The following KCND3 variants were observed in gnomAD, a reference collection of about 807,000 sequenced individuals.
The protein encoded by KCND3 is A-type voltage-gated potassium channel KCND3.
In KCND3, 9 loss-of-function variants were observed where a neutral mutation model predicts 51.1. The ratio of observed to expected loss-of-function variants is 0.18; its 90% CI spans 0.11 to 0.31. The LOEUF is 0.31. Among genes scored for constraint, KCND3 ranks in the 10% least tolerant of loss-of-function variants. The pLI, the probability that KCND3 is intolerant of heterozygous loss-of-function variation, is 1.00. For missense variants in KCND3, 526 were observed against 903.8 expected, an observed-to-expected ratio of 0.58 and a Z score of 5.36; for synonymous variants, 349 against 368.0, an observed-to-expected ratio of 0.95 and a Z score of 0.59.
At chr1:111,917,630 T>C (rs1432098215) in intron 2 of KCND3, among the ~76,000 whole-genome samples, 2 of 152,192 alleles carry the variant, frequency 1.3e-5, no homozygotes, top group African/African-American at 4.8e-5. Flanking sequence ...CTTACATTGG[T>C]ACTTCTCCAT....
chr1:111,944,772 T>A (rs1039203539), intron 2 of KCND3, among the ~76,000 whole-genome samples: 1 of 152,206 alleles, frequency 6.6e-6, no homozygotes. Context: ...ATATATTCCC[T>A]GGGGGTGATT....
At chr1:111,949,987 T>C (rs1672975350) in intron 2 of KCND3, among the ~76,000 whole-genome samples, 2 of 152,212 alleles carry the variant, frequency 1.3e-5, no homozygotes, top group Admixed American at 1.3e-4. Flanking sequence ...CTCAGCTCAC[T>C]GCAACCTCCA....
chr1:111,778,211 C>T lies in KCND3; in HGVS notation c.1518+225G>A, dbSNP rs187892143. The stretch of plus-strand genomic sequence containing the variant: ...GTGCCATGTTCCACCACCCCTTCCA[C>T]GCCCCTGGGGAGTTCCAAAGAGGGA... On this transcript the variant is annotated intron_variant, in intron 6 of 7. Coordinates refer to ENST00000302127, the MANE Select transcript of KCND3 (RefSeq NM_001378969.1). 7.9e-5 allele frequency among the ~76,000 whole-genome samples: 12 copies of T among 152,256 alleles called. No individual in the cohort carries two copies. In the South Asian group the frequency reaches 8.3e-4, roughly 11 times the overall value.
In KCND3 at chr1:111,882,275, G is replaced by A. The variant is rs11102351; in HGVS notation, c.1107-95169C>T. On this transcript the variant is annotated intron_variant, in intron 2 of 7. Transcript: ENST00000302127. ...GGTCCAATGGGGAAATCGAGGCATG[G>A]GGCACTCCTCATAGTCTAGAAGTAC... Among the ~76,000 whole-genome samples, 760 of 152,316 alleles carry A rather than the reference G, an allele frequency of 5.0e-3. 6 individuals carry two copies. The highest frequency in any genetic ancestry group is 0.017 in the African/African-American group (721 of 41,562).
chr1:111,928,601 T>C (rs1253432007), intron 2 of KCND3, among the ~76,000 whole-genome samples: 1 of 152,184 alleles, frequency 6.6e-6, no homozygotes, highest in East Asian at 1.9e-4. Context: ...ACTTTCACTC[T>C]CTGGGCACAA....
intron 2 of KCND3, among the ~76,000 whole-genome samples, chr1:111,839,085 T>A (rs1667208322): frequency 6.6e-6 from 1 of 152,256 alleles, no homozygotes; most frequent in African/African-American, 2.4e-5. Context: ...CTCTATCTTT[T>A]TAGAGTTTCA....
chr1:111,846,918 G>A (rs571033979), intron 2 of KCND3, among the ~76,000 whole-genome samples: 109 of 152,290 alleles, frequency 7.2e-4, no homozygotes, highest in Admixed American at 2.5e-3. Flanking sequence ...CTCACAGCAC[G>A]GTAGTACCTG....
chr1:111,852,051 G>A (rs924356524), intron 2 of KCND3, among the ~76,000 whole-genome samples: 8 of 152,308 alleles, frequency 5.3e-5, no homozygotes, highest in East Asian at 1.9e-4. Context: ...CACAAAATAC[G>A]TGGGTCACAG....
intron 2 of KCND3, among the ~76,000 whole-genome samples, chr1:111,843,534 G>A (rs537419638): frequency 6.6e-6 from 1 of 152,288 alleles, no homozygotes; most frequent in Admixed American, 6.5e-5. Context: ...TCTGGGAATG[G>A]GTGAGTGGGG....
intron 2 of KCND3, among the ~76,000 whole-genome samples, chr1:111,902,413 G>A (rs947297652): frequency 6.6e-6 from 1 of 152,202 alleles, no homozygotes; most frequent in Non-Finnish European, 1.5e-5. Context: ...GCGGATGAGG[G>A]ACACAGGGAG....
At chr1:111,956,393 T>A (rs1364575305) in intron 2 of KCND3, among the ~76,000 whole-genome samples, 1 of 152,188 alleles carries the variant, frequency 6.6e-6, no homozygotes, top group Non-Finnish European at 1.5e-5. Context: ...CTGATTAATT[T>A]CCACTGACAA....
At chr1:111,951,999 T>C (rs1673083814) in intron 2 of KCND3, among the ~76,000 whole-genome samples, 1 of 152,184 alleles carries the variant, frequency 6.6e-6, no homozygotes, top group Non-Finnish European at 1.5e-5. Context: ...CCAGGAGGCA[T>C]AAACATCCCC....
intron 2 of KCND3, among the ~76,000 whole-genome samples, chr1:111,901,709 C>A (rs1231006643): frequency 5.3e-5 from 8 of 152,102 alleles, no homozygotes; most frequent in African/African-American, 1.9e-4. Context: ...AGAATGCTTT[C>A]TTTTTTTCTG....
intron 2 of KCND3, among the ~76,000 whole-genome samples, chr1:111,951,044 C>T (rs1673033611): frequency 6.6e-6 from 1 of 151,424 alleles, no homozygotes; most frequent in Non-Finnish European, 1.5e-5. Context: ...GTGGTGCATG[C>T]CTGTAATCCC....
chr1:111,944,505 C>T (rs1361325399), intron 2 of KCND3, among the ~76,000 whole-genome samples: 1 of 152,196 alleles, frequency 6.6e-6, no homozygotes, highest in African/African-American at 2.4e-5. Context: ...TAGACCTTTG[C>T]GAGGTGAAGC....
intron 2 of KCND3, among the ~76,000 whole-genome samples, chr1:111,960,593 A>T (rs1303535045): frequency 6.6e-6 from 1 of 152,188 alleles, no homozygotes; most frequent in East Asian, 1.9e-4. Context: ...GTACAAAAAA[A>T]CTGGAAGATA....
At chr1:111,900,763 C>T (rs1313639404) in intron 2 of KCND3, among the ~76,000 whole-genome samples, 1 of 152,104 alleles carries the variant, frequency 6.6e-6, no homozygotes, top group African/African-American at 2.4e-5. Context: ...TCGAGACCAG[C>T]CTGGCCAACA....
At chr1:111,913,944 A>G (rs1421454275) in intron 2 of KCND3, among the ~76,000 whole-genome samples, 1 of 152,012 alleles carries the variant, frequency 6.6e-6, no homozygotes, top group Non-Finnish European at 1.5e-5. Flanking sequence ...TATGCAAAAA[A>G]GAAAAAAGAT....
chr1:111,830,407 C>T (rs1040088046), intron 2 of KCND3, among the ~76,000 whole-genome samples: 10 of 152,106 alleles, frequency 6.6e-5, no homozygotes. Flanking sequence ...AGGTAGGAGA[C>T]CCTCCTTGCA....
Sources: gnomAD v4.1 joint callset for allele counts (sites outside exome capture counted in the v4.1 genomes callset) on GRCh38, gnomAD v4.1.1 for gene constraint, MANE v1.5 for transcripts, NCBI Gene and HGNC (gene_info 2026-07-23, HGNC 2026-07-21) for gene names.